ACSF2: variants seen among roughly 807,000 people sequenced by gnomAD.
ACSF2 encodes the protein acyl-CoA synthetase family member 2.
ACSF2 carries 52 observed loss-of-function variants against 79.3 expected under a neutral mutation model. The ratio of observed to expected loss-of-function variants is 0.66; its 90% CI spans 0.53 to 0.83. The LOEUF (loss-of-function observed/expected upper bound fraction) is 0.83. Ranked by LOEUF, ACSF2 falls within the 40% of genes least tolerant of loss-of-function variation. The pLI is 0.00. For synonymous variants in ACSF2, 283 were observed against 312.6 expected, an observed-to-expected ratio of 0.91 and a Z score of 1.00; for missense variants, 661 against 803.3, an observed-to-expected ratio of 0.82 and a Z score of 2.14.
At chr17:50,429,178 C>T (rs530623436) in intron 1 of ACSF2, among the ~76,000 whole-genome samples, 1 of 152,256 alleles carries the variant, frequency 6.6e-6, no homozygotes, top group Non-Finnish European at 1.5e-5. Flanking sequence ...GTTGTATGAC[C>T]TCGGGCATGT....
At chr17:50,431,910 T>C (rs750798360) in intron 1 of ACSF2, among the ~76,000 whole-genome samples, 2 of 152,176 alleles carry the variant, frequency 1.3e-5, no homozygotes, top group Admixed American at 6.5e-5. Context: ...TTTTTCTTTC[T>C]TTCTTTTTTT....
chr17:50,470,621 T>C (rs1481604749), intron 10 of ACSF2, among the ~76,000 whole-genome samples: 1 of 151,824 alleles, frequency 6.6e-6, no homozygotes, highest in East Asian at 1.9e-4. Context: ...GGCCTTCAGC[T>C]TGGAAGGGAG....
chr17:50,429,197 C>G, intron 1 of ACSF2, among the ~76,000 whole-genome samples: 1 of 152,258 alleles, frequency 6.6e-6, no homozygotes, highest in Non-Finnish European at 1.5e-5. Flanking sequence ...GTTATCTAAC[C>G]TCTGAGCTAG....
At position 50,463,803 on chromosome 17, in the gene ACSF2, C is replaced by A. The variant is rs552297060; in HGVS notation, c.1047-15C>A. 33 of 1,612,074 alleles carry A rather than the reference C, an allele frequency of 2.0e-5. 1 individual carries two copies. The South Asian group carries it at 3.1e-4, about 15-fold the overall frequency. On this transcript the variant is annotated splice_polypyrimidine_tract_variant and intron_variant, in intron 8 of 15. Coordinates refer to ENST00000300441, the MANE Select transcript of ACSF2 (RefSeq NM_025149.6). The surrounding 1 kb of genome is among the most constrained non-coding windows in gnomAD (Gnocchi z 4.6). ...TCCACTTCCAAGCCTAATTTCGAGACCTCCTCCTATACAGAGGCACCTTCC... is the reference window on the plus strand; with the variant it reads ...TCCACTTCCAAGCCTAATTTCGAGAACTCCTCCTATACAGAGGCACCTTCC...
chr17:50,462,496 G>A lies in ACSF2; in HGVS notation c.703G>A (p.Ala235Thr). ...GTLLLDEVVA[A>T]GSTRQHLDQL... ...CCTGCTCCTGGATGAAGTGGTGGCG[G>A]CTGGCAGCACACGGCAGCATCTGGA... is the stretch of plus-strand genomic sequence containing the variant. The change falls in exon 6 of 16, where the codon GCT (alanine) becomes ACT (threonine). Residue 235 changes from alanine (A) to threonine (T), a missense_variant. By Grantham distance (58) the Ala-to-Thr change is moderately conservative. Transcript: ENST00000300441. 6.2e-7 allele frequency: 1 copy of A among 1,613,864 alleles called. No individual in the cohort carries two copies. Among genetic ancestry groups the A allele is most frequent in the Non-Finnish European group, 8.5e-7 (1 of 1,179,990 alleles).
chr17:50,444,121 C>A (rs1194794418), intron 1 of ACSF2, among the ~76,000 whole-genome samples: 4 of 152,158 alleles, frequency 2.6e-5, no homozygotes, highest in African/African-American at 9.7e-5. Flanking sequence ...TCTATTTTCT[C>A]TTCTTGTAAT....
intron 2 of ACSF2, 126 bp from the exon 3 acceptor site, chr17:50,461,116 G>C (rs2032302509): frequency 1.4e-6 from 2 of 1,450,204 alleles, no homozygotes; most frequent in African/African-American, 2.8e-5. Context: ...CTGAGGCTGG[G>C]AATCTGCCTG....
intron 6 of ACSF2, chr17:50,462,800 G>C (rs1193868270): frequency 6.5e-6 from 4 of 618,920 alleles, no homozygotes; most frequent in Non-Finnish European, 1.1e-5. Flanking sequence ...CAGCCCTCTT[G>C]TTCCCGGTGC....
At chr17:50,464,770 G>GGC (rs1555611950) in intron 10 of ACSF2, 3 of 163,350 alleles carry the variant, frequency 1.8e-5, no homozygotes, top group African/African-American at 1.5e-4. Flanking sequence ...TGATTGACTT[G>GGC]GGGGGGGGGT....
Position 50,473,915 on chromosome 17 carries a change from C to A in ACSF2, c.1639C>A (p.Arg547=), listed in dbSNP as rs372494573. 6.3e-7 allele frequency: 1 copy of A among 1,585,004 alleles called. No individual in the cohort carries two copies. The highest frequency in any genetic ancestry group is 1.7e-5 in the Admixed American group (1 of 58,058). ...EVQVVGVKDD[R]MGEEICACIR... Reference sequence around the variant, plus strand: ...GAAGGTGGTGGGAGTGAAGGACGATCGGATGGGGGAAGAGATTTGTGCCTG... The same window carrying A: ...GAAGGTGGTGGGAGTGAAGGACGATAGGATGGGGGAAGAGATTTGTGCCTG... The change falls in exon 14 of 16, where the codon CGG becomes AGG. Residue 547 remains arginine, a synonymous_variant. Coordinates refer to ENST00000300441, the MANE Select transcript of ACSF2 (RefSeq NM_025149.6).
At chr17:50,461,173 G>A (rs1378451046) in intron 2 of ACSF2, 69 bp from the exon 3 acceptor site, 2 of 1,606,522 alleles carry the variant, frequency 1.2e-6, no homozygotes, top group Non-Finnish European at 1.7e-6. Context: ...GCTAAGGGCT[G>A]AGGGTGGGAG....
rs137963199 is a variant in ACSF2 at position 50,456,455 on chromosome 17, G to A, written c.129-4222G>A. Among the ~76,000 whole-genome samples the A allele has an allele frequency of 7.9e-5, 12 of 151,726 alleles. No individual in the cohort carries two copies. In the East Asian group the frequency reaches 1.4e-3, roughly 17 times the overall value. ...TCTGATAAAAAGGTACCTGGTGGCC[G>A]GGCGCGGTGGCTCACACCTGTAATC... is the stretch of plus-strand genomic sequence containing the variant. On this transcript the variant is annotated intron_variant, in intron 1 of 15. Coordinates refer to ENST00000300441, the MANE Select transcript of ACSF2 (RefSeq NM_025149.6).
chr17:50,429,198 TC>T (rs1166733947), intron 1 of ACSF2, among the ~76,000 whole-genome samples: 2 of 152,244 alleles, frequency 1.3e-5, no homozygotes, highest in Non-Finnish European at 2.9e-5. Context: ...TTATCTAACC[TC>T]TGAGCTAGTT....
In ACSF2 at chr17:50,462,571, A is replaced by G; in HGVS notation, c.778A>G (p.Ile260Val). 6.2e-7 allele frequency: 1 copy of G among 1,613,356 alleles called. No homozygotes were observed. The highest frequency in any genetic ancestry group is 8.5e-7 in the Non-Finnish European group (1 of 1,179,612). ...CCTGTCCTGCCATGACCCCATCAAC[A>G]TCCAGTTCACCTCGGTAGGGCAGAG... ...QFLSCHDPINIQFTSGTTGSP... is the reference protein window; with the variant it reads ...QFLSCHDPINVQFTSGTTGSP... Residue 260 changes from isoleucine (I) to valine (V), a missense_variant, in exon 6 of 16, where the codon ATC becomes GTC. Coordinates refer to ENST00000300441, the MANE Select transcript of ACSF2 (RefSeq NM_025149.6).
chr17:50,471,327 C>G lies in ACSF2; in HGVS notation c.1323+192C>G. On this transcript the variant is annotated intron_variant, in intron 11 of 15. Transcript: ENST00000300441. This position sits in a 1 kb window ranked among gnomAD's most constrained non-coding sequence, Gnocchi z 4.1. The stretch of plus-strand genomic sequence containing the variant: ...TGGGCTAAGCATGAAAGGGGAAGAG[C>G]TGGAACAGTGGCTGTGAGCGGCTGC... The G allele has an allele frequency of 1.7e-6, 1 of 573,182 alleles. No individual in the cohort carries two copies. The highest frequency in any genetic ancestry group is 2.0e-5 in the South Asian group (1 of 49,106). The allele number at this position is 573,182 out of a possible 1,614,324, so 35.5% of individuals were successfully genotyped here.
At chr17:50,461,797 A>G (rs1253741932) in intron 4 of ACSF2, 111 bp downstream of exon 4, 5 of 1,358,524 alleles carry the variant, frequency 3.7e-6, no homozygotes, top group Non-Finnish European at 5.2e-6. Context: ...TAGGCGGGTG[A>G]TACGCAGAGT....
In ACSF2 at chr17:50,471,330, G is replaced by T; in HGVS notation, c.1323+195G>T. The T allele has an allele frequency of 1.8e-6, 1 of 569,162 alleles. No homozygotes were observed. The highest frequency in any genetic ancestry group is 3.2e-6 in the Non-Finnish European group (1 of 316,656). 35.3% of individuals were successfully genotyped at this position (569,162 alleles called of 1,614,324 possible). The stretch of plus-strand genomic sequence containing the variant: ...GCTAAGCATGAAAGGGGAAGAGCTG[G>T]AACAGTGGCTGTGAGCGGCTGCCAG... On this transcript the variant is annotated intron_variant, in intron 11 of 15. Transcript: ENST00000300441. The surrounding 1 kb of genome is among the most constrained non-coding windows in gnomAD (Gnocchi z 4.1).
In ACSF2 at chr17:50,465,433, C is replaced by T. The variant is rs546573442; in HGVS notation, c.1215+1139C>T. ...CATCTGGGCGGGAGGCCTTGGCTTC[C>T]AGCCACCTGGAGAGACAGAAACTTG... On this transcript the variant is annotated intron_variant, in intron 10 of 15. Transcript: ENST00000300441. The T allele has an allele frequency of 6.2e-6, 10 of 1,613,872 alleles. No homozygotes were observed. The Admixed American group carries it at 1.3e-4, about 22-fold the overall frequency.
At chr17:50,431,374 G>A (rs148123810) in intron 1 of ACSF2, among the ~76,000 whole-genome samples, 4 of 152,330 alleles carry the variant, frequency 2.6e-5, no homozygotes, top group Admixed American at 2.6e-4. Context: ...AAGGCAGAAA[G>A]TTTGCAGTGC....
Sources: allele counts gnomAD v4.1 joint callset (sites outside exome capture counted in the v4.1 genomes callset), GRCh38; gene constraint gnomAD v4.1.1; non-coding constraint Gnocchi (gnomAD v3.1); transcripts MANE v1.5; gene names NCBI Gene and HGNC (gene_info 2026-07-23, HGNC 2026-07-21).